The following EIF2S2 variants were observed in gnomAD, a reference collection of about 807,000 sequenced individuals.
EIF2S2 encodes the protein eukaryotic translation initiation factor 2 subunit beta.
In EIF2S2, 4 loss-of-function variants were observed where a neutral mutation model predicts 44.0. The observed-to-expected ratio is 0.09, with a 90% CI of 0.04 to 0.21. The LOEUF is 0.21. Among genes scored for constraint, EIF2S2 ranks in the 10% least tolerant of loss-of-function variants. EIF2S2 has a pLI of 1.00. For synonymous variants in EIF2S2, 108 were observed against 128.3 expected (o/e 0.84, Z 1.07); for missense variants, 154 against 392.0 (o/e 0.39, Z 5.13).
chr20:34,103,710 CTTTT>C (rs869170048), intron 2 of EIF2S2, 145 bp from the exon 3 acceptor site: 31 of 965,200 alleles, frequency 3.2e-5, no homozygotes, highest in Admixed American at 5.0e-5. Context: ...ACTTATGGTT[CTTTT>C]TTTTTTTTTT....
At chr20:34,106,620 T>A (rs2034352849) in intron 1 of EIF2S2, among the ~76,000 whole-genome samples, 2 of 151,970 alleles carry the variant, frequency 1.3e-5, no homozygotes, top group Non-Finnish European at 2.9e-5. Context: ...TTAGTATTGA[T>A]GGGGTTTCAC....
At chr20:34,093,843 T>G in intron 6 of EIF2S2, 112 bp from the exon 7 acceptor site, 3 of 878,400 alleles carry the variant, frequency 3.4e-6, no homozygotes, top group Admixed American at 2.6e-5. Flanking sequence ...TAAGTGAATT[T>G]CACTGCACCA....
intron 5 of EIF2S2, 134 bp downstream of exon 5, chr20:34,097,282 C>T: frequency 2.7e-6 from 2 of 747,952 alleles, no homozygotes; most frequent in Non-Finnish European, 4.3e-6. Context: ...TTGCTGTGCA[C>T]TGGCTGTGTG....
At position 34,105,008 on chromosome 20, in the gene EIF2S2, TCATATA is replaced by T. The variant is rs1430348329; in HGVS notation, c.193+354_193+359del. ...TACTTTAGGCTATAATTTTAATCTC[TCATATA>T]CATTTTCAGACTTGCTAAGACACAA... On this transcript the variant is annotated intron_variant, in intron 2 of 8. Transcript: ENST00000374980. Among the ~76,000 whole-genome samples the T allele has an allele frequency of 2.6e-5, 4 of 152,346 alleles. No homozygotes were observed. In the East Asian group the frequency reaches 7.7e-4, roughly 29 times the overall value.
chr20:34,098,361 T>C (rs553470003), intron 4 of EIF2S2, 137 bp downstream of exon 4: 1 of 873,670 alleles, frequency 1.1e-6, no homozygotes, highest in Non-Finnish European at 1.7e-6. Context: ...AAACACTGTT[T>C]CCTTTCGCTT....
In EIF2S2 at chr20:34,111,729, T is replaced by A. The variant is rs1020709494; in HGVS notation, c.15+367A>T. ...CACCCCTGGCACCCCCGGCACCCAG[T>A]GAGGCGAGCTGGGGCGGCAGTGCCC... On this transcript the variant is annotated intron_variant, in intron 1 of 8. Coordinates refer to ENST00000374980, the MANE Select transcript of EIF2S2 (RefSeq NM_003908.5). Among the ~76,000 whole-genome samples, 9 of 152,202 alleles carry A rather than the reference T, an allele frequency of 5.9e-5. No individual in the cohort carries two copies. In the South Asian group the frequency reaches 1.9e-3, roughly 32 times the overall value.
At chr20:34,104,018 AT>A (rs1416777337) in intron 2 of EIF2S2, among the ~76,000 whole-genome samples, 17 of 152,242 alleles carry the variant, frequency 1.1e-4, no homozygotes, top group Non-Finnish European at 2.1e-4. Context: ...CACAAAAGTT[AT>A]GGTTCTGAAA....
chr20:34,098,403 A>G, intron 4 of EIF2S2, 95 bp downstream of exon 4: 1 of 1,452,370 alleles, frequency 6.9e-7, no homozygotes. Context: ...AAGGGGCAAG[A>G]AAAAAATTTT....
At chr20:34,090,478 C>T in intron 8 of EIF2S2, 39 bp downstream of exon 8, 1 of 1,290,816 alleles carries the variant, frequency 7.7e-7, no homozygotes, top group Non-Finnish European at 1.1e-6. Context: ...CTCATGAGAA[C>T]ATTTCAGGGT....
intron 7 of EIF2S2, 62 bp from the exon 8 acceptor site, chr20:34,090,664 A>G (rs1346293290): frequency 4.2e-6 from 4 of 959,822 alleles, no homozygotes; most frequent in Non-Finnish European, 4.7e-6. Flanking sequence ...ACCAAATTCC[A>G]GCACCTTTAA....
At chr20:34,107,961 C>T (rs1263667741) in intron 1 of EIF2S2, among the ~76,000 whole-genome samples, 1 of 152,152 alleles carries the variant, frequency 6.6e-6, no homozygotes, top group Non-Finnish European at 1.5e-5. Flanking sequence ...AAAGAGTCCC[C>T]CACTGCAAGG....
chr20:34,093,571 A>C (rs1353796482), intron 7 of EIF2S2, 104 bp downstream of exon 7: 6 of 1,039,176 alleles, frequency 5.8e-6, no homozygotes, highest in Non-Finnish European at 8.2e-6. Context: ...AGTTTCTCTA[A>C]TAATCAGGTG....
chr20:34,101,641 C>T (rs2034296444), intron 3 of EIF2S2, among the ~76,000 whole-genome samples: 1 of 151,016 alleles, frequency 6.6e-6, no homozygotes, highest in Admixed American at 6.6e-5. Context: ...CACCAAGACA[C>T]AGCAGAAGGT....
intron 3 of EIF2S2, 36 bp from the exon 4 acceptor site, chr20:34,098,669 G>C: frequency 6.3e-7 from 1 of 1,589,956 alleles, no homozygotes; most frequent in Non-Finnish European, 8.5e-7. Context: ...ATTTGATACT[G>C]GGACTATTCT....
chr20:34,100,826 C>T (rs2034287106), intron 3 of EIF2S2, among the ~76,000 whole-genome samples: 1 of 152,048 alleles, frequency 6.6e-6, no homozygotes, highest in African/African-American at 2.4e-5. Flanking sequence ...TTGCCAGAGG[C>T]ATGGATGTAA....
In EIF2S2 at chr20:34,089,540, T is replaced by C; in HGVS notation, c.*190A>G. ...CCCCATATCACGTTTCTCTGACAGG[T>C]GTTAAAGTAGGCAATGAGTATGTCA... On this transcript the variant is annotated 3_prime_UTR_variant, in exon 9 of 9. Coordinates refer to ENST00000374980, the MANE Select transcript of EIF2S2 (RefSeq NM_003908.5). The C allele has an allele frequency of 3.5e-6, 2 of 565,838 alleles. No homozygotes were observed. The highest frequency in any genetic ancestry group is 6.2e-5 in the East Asian group (2 of 32,430). The allele number at this position is 565,838 out of a possible 1,614,324, so 35.1% of individuals were successfully genotyped here. A position where few individuals can be genotyped will look rare whatever the true frequency, so the allele number is the denominator to read the frequency against.
chr20:34,098,478 T>G lies in EIF2S2; in HGVS notation c.433+20A>C. The stretch of plus-strand genomic sequence containing the variant: ...AGGCTTGAGTAACCTCTAAATGTGC[T>G]GCTGAGTCCTCAGCATTACCTTCAT... On this transcript the variant is annotated intron_variant, in intron 4 of 8. Coordinates refer to ENST00000374980, the MANE Select transcript of EIF2S2 (RefSeq NM_003908.5). 6.2e-7 allele frequency: 1 copy of G among 1,611,736 alleles called. No homozygotes were observed.
chr20:34,110,344 T>C (rs1221913609), intron 1 of EIF2S2, among the ~76,000 whole-genome samples: 1 of 152,136 alleles, frequency 6.6e-6, no homozygotes, highest in African/African-American at 2.4e-5. Context: ...AACCAGGCCC[T>C]ATACCCTATT....
intron 3 of EIF2S2, among the ~76,000 whole-genome samples, chr20:34,102,145 G>A (rs1379273541): frequency 6.6e-6 from 1 of 152,100 alleles, no homozygotes; most frequent in Non-Finnish European, 1.5e-5. Flanking sequence ...TAGTATTCAA[G>A]CACTTATTTA....
Sources: allele counts gnomAD v4.1 joint callset (sites outside exome capture counted in the v4.1 genomes callset), GRCh38; gene constraint gnomAD v4.1.1; transcripts MANE v1.5; gene names NCBI Gene and HGNC (gene_info 2026-07-23, HGNC 2026-07-21).